The following SSBP2 variants were observed in gnomAD, a reference collection of about 807,000 sequenced individuals.
The protein encoded by SSBP2 is single-stranded DNA-binding protein 2.
In SSBP2, 17 loss-of-function variants were observed where a neutral mutation model predicts 61.8. That is an observed-to-expected ratio of 0.28 (90% CI 0.19 to 0.41). The LOEUF (loss-of-function observed/expected upper bound fraction) is 0.41, where lower values mean the gene tolerates loss of function less well. SSBP2 is among the 10% of genes least tolerant of loss of function. The pLI, the probability that SSBP2 is intolerant of heterozygous loss-of-function variation, is 1.00. For missense variants in SSBP2, 310 were observed against 458.7 expected (o/e 0.68, Z 2.96); for synonymous variants, 139 against 141.3 (o/e 0.98, Z 0.12).
At chr5:81,734,173 C>T (rs971745986) in intron 1 of SSBP2, among the ~76,000 whole-genome samples, 7 of 152,018 alleles carry the variant, frequency 4.6e-5, no homozygotes, top group African/African-American at 1.4e-4. Flanking sequence ...TGTTTCTTTG[C>T]CTTTTATAAT....
At chr5:81,746,218 G>GT (rs1029452199) in intron 1 of SSBP2, among the ~76,000 whole-genome samples, 4 of 151,874 alleles carry the variant, frequency 2.6e-5, no homozygotes, top group African/African-American at 7.3e-5. Flanking sequence ...AAAAATAGGG[G>GT]TTTTTTTGAT....
intron 15 of SSBP2, among the ~76,000 whole-genome samples, chr5:81,434,493 C>T (rs1454680700): frequency 6.6e-6 from 1 of 151,780 alleles, no homozygotes; most frequent in African/African-American, 2.4e-5. Flanking sequence ...TCCGTCTCTA[C>T]AGGCACATGC....
intron 3 of SSBP2, among the ~76,000 whole-genome samples, chr5:81,622,899 C>T (rs1478556348): frequency 1.3e-5 from 2 of 152,092 alleles, no homozygotes; most frequent in African/African-American, 2.4e-5. Context: ...AACTGCGTAT[C>T]GACATTATTT....
At chr5:81,750,448 T>G (rs1757671906) in intron 1 of SSBP2, among the ~76,000 whole-genome samples, 2 of 130,356 alleles carry the variant, frequency 1.5e-5, no homozygotes, top group Non-Finnish European at 3.3e-5. Flanking sequence ...CGCCCTCGCC[T>G]CGCCTCGCCC....
rs34670292 is a variant in SSBP2, at chr5:81,737,626, C to CA, written c.62+13354dup. Among the ~76,000 whole-genome samples, 319 of 148,246 alleles carry CA rather than the reference C, an allele frequency of 2.2e-3. 4 individuals carry two copies. The highest frequency in any genetic ancestry group is 4.0e-3 in the Non-Finnish European group (269 of 66,968). On this transcript the variant is annotated intron_variant, in intron 1 of 16. Coordinates refer to ENST00000320672, the MANE Select transcript of SSBP2 (RefSeq NM_012446.5). ...TGAAACCCCGTCTCTACTAAAAATA[C>CA]AAAAAAAAAAAATTAGCCGGGTGTG...
At chr5:81,654,052 G>A (rs916059779) in intron 1 of SSBP2, among the ~76,000 whole-genome samples, 1 of 151,382 alleles carries the variant, frequency 6.6e-6, no homozygotes, top group East Asian at 1.9e-4. Context: ...GTGCAGTGGT[G>A]TGATCATAGC....
At chr5:81,564,133 G>A (rs1006907977) in intron 4 of SSBP2, among the ~76,000 whole-genome samples, 8 of 152,180 alleles carry the variant, frequency 5.3e-5, no homozygotes, top group African/African-American at 1.9e-4. Flanking sequence ...ATGGCCAACA[G>A]ATGTGTGAAA....
intron 14 of SSBP2, 56 bp from the exon 15 acceptor site, chr5:81,437,514 A>G (rs1762747437): frequency 7.0e-7 from 1 of 1,438,674 alleles, no homozygotes; most frequent in Non-Finnish European, 9.6e-7. Context: ...TTTATAAATT[A>G]AACACTCCTT....
intron 6 of SSBP2, among the ~76,000 whole-genome samples, chr5:81,477,039 C>A (rs1561446642): frequency 6.6e-6 from 1 of 151,632 alleles, no homozygotes; most frequent in East Asian, 1.9e-4. Context: ...GTGTAACATA[C>A]CCACATCCAT....
chr5:81,571,252 T>C (rs1030791122), intron 4 of SSBP2, among the ~76,000 whole-genome samples: 5 of 152,238 alleles, frequency 3.3e-5, no homozygotes, highest in African/African-American at 9.6e-5. Flanking sequence ...GTTTTGAATA[T>C]GTGCTTTGCT....
chr5:81,747,427 G>T (rs1031047604), intron 1 of SSBP2, among the ~76,000 whole-genome samples: 1 of 152,120 alleles, frequency 6.6e-6, no homozygotes, highest in East Asian at 1.9e-4. Flanking sequence ...CAACTGTCTT[G>T]TAGATTTGTT....
At chr5:81,573,814 T>C (rs999925601) in intron 4 of SSBP2, among the ~76,000 whole-genome samples, 6 of 152,186 alleles carry the variant, frequency 3.9e-5, no homozygotes, top group African/African-American at 1.4e-4. Context: ...CCTGTGGATT[T>C]ACATAATGGA....
chr5:81,483,764 TACACACACAC>T (rs531570279), intron 6 of SSBP2, among the ~76,000 whole-genome samples: 1 of 149,234 alleles, frequency 6.7e-6, no homozygotes, highest in African/African-American at 2.4e-5. Flanking sequence ...CATATATATA[TACACACACAC>T]ACACACACAC....
chr5:81,664,841 G>C (rs1333613829), intron 1 of SSBP2, among the ~76,000 whole-genome samples: 1 of 152,032 alleles, frequency 6.6e-6, no homozygotes, highest in African/African-American at 2.4e-5. Flanking sequence ...CTTTTAAAAG[G>C]AAATAAAGGA....
In SSBP2 at chr5:81,417,196, A is replaced by C. The variant is rs1458031299; in HGVS notation, c.*3308T>G. Reference sequence around the variant, plus strand: ...TCTTAACTTCGGATTCCTAGCTGTGAACTTCCTCTTTATCAGCAACTGACT... The same window carrying C: ...TCTTAACTTCGGATTCCTAGCTGTGCACTTCCTCTTTATCAGCAACTGACT... On this transcript the variant is annotated 3_prime_UTR_variant, in exon 17 of 17. Transcript: ENST00000320672. 6.6e-6 allele frequency: 1 copy of C among 152,186 alleles called. No individual in the cohort carries two copies. Among genetic ancestry groups the C allele is most frequent in the Non-Finnish European group, 1.5e-5 (1 of 68,052 alleles). 9.4% of individuals were successfully genotyped at this position (152,186 alleles called of 1,614,324 possible).
In SSBP2 at chr5:81,712,611, A is replaced by AAAAAAAAAATAAATAAAAAAAAAAAAAAT. The variant is rs1754866319; in HGVS notation, c.62+38369_62+38370insATTTTTTTTTTTTTTATTTATTTTTTTTT. Among the ~76,000 whole-genome samples the AAAAAAAAAATAAATAAAAAAAAAAAAAAT allele has an allele frequency of 1.3e-5, 2 of 148,418 alleles. 1 individual carries two copies. The highest frequency in any genetic ancestry group is 5.0e-5 in the African/African-American group (2 of 39,788). ...CGACAGAGCGAGACTCCGTCTCAAA[A>AAAAAAAAAATAAATAAAAAAAAAAAAAAT]AAAAAAAAAAAAATAAAGATTACAG... is the stretch of plus-strand genomic sequence containing the variant. On this transcript the variant is annotated intron_variant, in intron 1 of 16. Transcript: ENST00000320672.
At chr5:81,521,935 T>C (rs752834724) in intron 4 of SSBP2, among the ~76,000 whole-genome samples, 12 of 152,006 alleles carry the variant, frequency 7.9e-5, no homozygotes, top group Non-Finnish European at 1.5e-4. Context: ...TTACAGTTTA[T>C]TGGTATCATG....
At chr5:81,440,057 T>C (rs992554172) in intron 14 of SSBP2, among the ~76,000 whole-genome samples, 3 of 152,130 alleles carry the variant, frequency 2.0e-5, no homozygotes, top group Admixed American at 2.0e-4. Flanking sequence ...AAGAGAATCA[T>C]TCAAATTATC....
chr5:81,463,509 G>A (rs1346208018), intron 9 of SSBP2, among the ~76,000 whole-genome samples: 1 of 151,878 alleles, frequency 6.6e-6, no homozygotes, highest in Non-Finnish European at 1.5e-5. Flanking sequence ...AGGCCATTCT[G>A]AGCAACATGT....
Sources: gnomAD v4.1 joint callset for allele counts (sites outside exome capture counted in the v4.1 genomes callset) on GRCh38, gnomAD v4.1.1 for gene constraint, MANE v1.5 for transcripts, NCBI Gene and HGNC (gene_info 2026-07-23, HGNC 2026-07-21) for gene names.